SDR9C7: variants seen among roughly 807,000 people sequenced by gnomAD.
SDR9C7 encodes the protein short-chain dehydrogenase/reductase family 9C member 7.
SDR9C7 carries 11 observed loss-of-function variants against 23.6 expected under a neutral mutation model. The observed-to-expected ratio is 0.47, with a 90% CI of 0.29 to 0.77. The LOEUF (loss-of-function observed/expected upper bound fraction) is 0.77, where lower values mean the gene tolerates loss of function less well. Ranked by LOEUF, SDR9C7 falls within the 30% of genes least tolerant of loss-of-function variation. The probability of loss-of-function intolerance (pLI) is 0.09; values close to 1 mark genes in which losing one functional copy is unlikely to be tolerated. For missense variants in SDR9C7, 387 were observed against 407.1 expected (o/e 0.95, Z 0.42); for synonymous variants, 167 against 157.3 (o/e 1.06, Z -0.46).
intron 1 of SDR9C7, among the ~76,000 whole-genome samples, chr12:56,932,920 T>G (rs998435670): frequency 6.6e-6 from 1 of 152,202 alleles, no homozygotes; most frequent in South Asian, 2.1e-4. Flanking sequence ...CAGGGCTCTG[T>G]TGCCCTGACC....
At chr12:56,931,476 A>G (rs908869788) in intron 1 of SDR9C7, among the ~76,000 whole-genome samples, 8 of 152,152 alleles carry the variant, frequency 5.3e-5, no homozygotes, top group Non-Finnish European at 1.0e-4. Context: ...AAATGGAAAG[A>G]AATAATGCTA....
At chr12:56,933,271 C>A (rs190835258) in intron 1 of SDR9C7, among the ~76,000 whole-genome samples, 21 of 152,358 alleles carry the variant, frequency 1.4e-4, no homozygotes, top group Non-Finnish European at 2.6e-4. Flanking sequence ...CCCCCTCCCC[C>A]ATCCTGATCC....
rs181904295 is a variant in SDR9C7, at chr12:56,930,912, T to G, written c.302-428A>C. On this transcript the variant is annotated intron_variant, in intron 1 of 3. Coordinates refer to ENST00000293502, the MANE Select transcript of SDR9C7 (RefSeq NM_148897.3). ...TCATTCATCTTCACACATTTATTCATGCATTTATCTAGTCTGTGACAATTA... is the reference window on the plus strand; with the variant it reads ...TCATTCATCTTCACACATTTATTCAGGCATTTATCTAGTCTGTGACAATTA... 5.2e-3 allele frequency among the ~76,000 whole-genome samples: 786 copies of G among 152,324 alleles called. 13 individuals carry two copies. Among genetic ancestry groups the G allele is most frequent in the Middle Eastern group, 6.8e-3 (2 of 294 alleles).
rs781018938 is a variant in SDR9C7, at chr12:56,929,501, A to G, written c.613T>C (p.Tyr205His). Residue 205 changes from tyrosine (Y) to histidine (H), a missense_variant, in exon 3 of 4, where the codon TAT (tyrosine) becomes CAT (histidine). Tyr to His is a moderately conservative substitution (Grantham distance 83, BLOSUM62 2). Coordinates refer to ENST00000293502, the MANE Select transcript of SDR9C7 (RefSeq NM_148897.3). The stretch of plus-strand genomic sequence containing the variant: ...TCCTTGCCGAGAATGGCTGTCCGAT[A>G]GTTCCCTGGCTCAATGATGCAGACT... ...VKVCIIEPGN[Y>H]RTAILGKENL... 6.2e-7 allele frequency: 1 copy of G among 1,613,450 alleles called. No individual in the cohort carries two copies. Among genetic ancestry groups the G allele is most frequent in the East Asian group, 2.2e-5 (1 of 44,846 alleles).
intron 1 of SDR9C7, among the ~76,000 whole-genome samples, chr12:56,932,211 G>A (rs1371194665): frequency 1.3e-5 from 2 of 152,206 alleles, no homozygotes; most frequent in African/African-American, 2.4e-5. Flanking sequence ...GCTAACACGG[G>A]AAATTATCCT....
Position 56,925,328 on chromosome 12 carries a change from A to G in SDR9C7, c.725-1278T>C, listed in dbSNP as rs574989160. Among the ~76,000 whole-genome samples, 87 of 152,322 alleles carry G rather than the reference A, an allele frequency of 5.7e-4. 1 individual carries two copies. Among genetic ancestry groups the G allele is most frequent in the East Asian group, 2.5e-3 (13 of 5,170 alleles). ...AGGCCCTCATCTGCATCCTCACCCC[A>G]GGACAGGGGGATTCATGCTTCATTG... On this transcript the variant is annotated intron_variant, in intron 3 of 3. Transcript: ENST00000293502.
intron 3 of SDR9C7, among the ~76,000 whole-genome samples, chr12:56,925,762 G>A (rs947100745): frequency 1.3e-5 from 2 of 152,244 alleles, no homozygotes; most frequent in African/African-American, 2.4e-5. Flanking sequence ...GAGGGTCGAA[G>A]GAATCGTTCA....
chr12:56,928,780 C>G (rs978389730), intron 3 of SDR9C7, among the ~76,000 whole-genome samples: 2 of 152,200 alleles, frequency 1.3e-5, no homozygotes, highest in Non-Finnish European at 2.9e-5. Context: ...TGTCCCACCT[C>G]TACCCTCCAA....
At chr12:56,932,914 G>T (rs1337520142) in intron 1 of SDR9C7, among the ~76,000 whole-genome samples, 1 of 152,190 alleles carries the variant, frequency 6.6e-6, no homozygotes, top group Non-Finnish European at 1.5e-5. Flanking sequence ...TGGCTCCAGG[G>T]CTCTGTTGCC....
Position 56,930,455 on chromosome 12 carries a change from C to T in SDR9C7, c.331G>A (p.Val111Met). 2 of 1,614,188 alleles carry T rather than the reference C, an allele frequency of 1.2e-6. No homozygotes were observed. The highest frequency in any genetic ancestry group is 2.2e-5 in the East Asian group (1 of 44,894). Residue 111 changes from valine to methionine, a missense_variant, in exon 2 of 4, where the codon GTG becomes ATG. By Grantham distance (21) the Val-to-Met change is conservative. Transcript: ENST00000293502. ...TCGTTGGGACCACTGGGCAGGCCCA[C>T]ACCAGCATTGTTCACCAGGGCCCAG... is the stretch of plus-strand genomic sequence containing the variant. ...GLWALVNNAG[V>M]GLPSGPNEWL...
At chr12:56,933,863 A>G in intron 1 of SDR9C7, 98 bp downstream of exon 1, 1 of 1,423,124 alleles carries the variant, frequency 7.0e-7, no homozygotes, top group Non-Finnish European at 9.5e-7. Context: ...CTCCCACCCA[A>G]TCTGGACATC....
chr12:56,933,913 G>A, intron 1 of SDR9C7, 48 bp downstream of exon 1: 3 of 1,557,828 alleles, frequency 1.9e-6, no homozygotes, highest in African/African-American at 1.3e-5. Flanking sequence ...GAGAGAGGAA[G>A]AGGAAGAAGG....
At position 56,929,408 on chromosome 12, in the gene SDR9C7, C is replaced by T; in HGVS notation, c.706G>A (p.Glu236Lys). ...AACTTACAGATGCGGAAATAATCCT[C>T]TCCGTAGCTGTCCCGGGTCTCCTGA... The part of the protein sequence containing the change: ...LPQETRDSYG[E>K]DYFRIYTDKL... The change falls in exon 3 of 4, where the codon GAG (glutamate) becomes AAG (lysine). Residue 236 changes from glutamate (E) to lysine (K), a missense_variant. Physicochemically the swap from Glu to Lys is moderately conservative, Grantham distance 56. Transcript: ENST00000293502. 1 of 1,609,964 alleles carries T rather than the reference C, an allele frequency of 6.2e-7. No individual in the cohort carries two copies. Among genetic ancestry groups the T allele is most frequent in the South Asian group, 1.1e-5 (1 of 91,020 alleles).
At chr12:56,929,646 A>G in intron 2 of SDR9C7, 93 bp from the exon 3 acceptor site, 1 of 1,430,486 alleles carries the variant, frequency 7.0e-7, no homozygotes, top group Non-Finnish European at 9.7e-7. Context: ...AGGAACCTAG[A>G]GATGCTTCTC....
Position 56,929,478 on chromosome 12 carries a change from C to G in SDR9C7, c.636G>C (p.Lys212Asn), listed in dbSNP as rs775800915. The change falls in exon 3 of 4, where the codon AAG (lysine) becomes AAC (asparagine). Residue 212 changes from lysine (K) to asparagine (N), a missense_variant. Coordinates refer to ENST00000293502, the MANE Select transcript of SDR9C7 (RefSeq NM_148897.3). ...PGNYRTAILG[K>N]ENLESRMRKL... ...TTCGCATGCGTGACTCCAGGTTCTC[C>G]TTGCCGAGAATGGCTGTCCGATAGT... The G allele has an allele frequency of 2.5e-6, 4 of 1,613,918 alleles. No homozygotes were observed. Among genetic ancestry groups the G allele is most frequent in the Non-Finnish European group, 3.4e-6 (4 of 1,179,792 alleles).
Position 56,923,859 on chromosome 12 carries a change from G to T in SDR9C7, c.916C>A (p.Leu306Ile). The change falls in exon 4 of 4, where the codon CTT becomes ATT. Residue 306 changes from leucine to isoleucine, a missense_variant. Coordinates refer to ENST00000293502, the MANE Select transcript of SDR9C7 (RefSeq NM_148897.3). ...PVTDFILSRY[L>I]PRPADSV Reference sequence around the variant, plus strand: ...TAGACACTGTCCGCTGGCCTTGGAAGGTACCGGCTTAGGATGAAATCTGTC... The same window carrying T: ...TAGACACTGTCCGCTGGCCTTGGAATGTACCGGCTTAGGATGAAATCTGTC... The T allele has an allele frequency of 6.2e-7, 1 of 1,612,350 alleles. No individual in the cohort carries two copies. Among genetic ancestry groups the T allele is most frequent in the Non-Finnish European group, 8.5e-7 (1 of 1,178,870 alleles).
chr12:56,924,322 G>A (rs1419631136), intron 3 of SDR9C7, among the ~76,000 whole-genome samples: 3 of 151,926 alleles, frequency 2.0e-5, no homozygotes, highest in African/African-American at 4.8e-5. Flanking sequence ...CCAGCTACTC[G>A]GGAGGCTGAG....
In SDR9C7 at chr12:56,930,443, T is replaced by C; in HGVS notation, c.343A>G (p.Ser115Gly). Residue 115 changes from serine to glycine, a missense_variant, in exon 2 of 4, where the codon AGT becomes GGT. Physicochemically the swap from Ser to Gly is moderately conservative, Grantham distance 56. Transcript: ENST00000293502. ...LVNNAGVGLP[S>G]GPNEWLTKDD... ...TTGGTCAGCCATTCGTTGGGACCAC[T>C]GGGCAGGCCCACACCAGCATTGTTC... is the stretch of plus-strand genomic sequence containing the variant. 1.2e-6 allele frequency: 2 copies of C among 1,614,090 alleles called. No homozygotes were observed. The highest frequency in any genetic ancestry group is 1.7e-6 in the Non-Finnish European group (2 of 1,180,006).
intron 3 of SDR9C7, 34 bp downstream of exon 3, chr12:56,929,356 C>A (rs758015463): frequency 1.9e-6 from 3 of 1,588,546 alleles, no homozygotes; most frequent in Admixed American, 1.7e-5. Flanking sequence ...CACTCGCCCC[C>A]CTCAGAGACC....
Sources: gnomAD v4.1 joint callset for allele counts (sites outside exome capture counted in the v4.1 genomes callset) on GRCh38, gnomAD v4.1.1 for gene constraint, MANE v1.5 for transcripts, NCBI Gene and HGNC (gene_info 2026-07-23, HGNC 2026-07-21) for gene names.